RNASET2: variants seen among roughly 807,000 people sequenced by gnomAD.
The protein encoded by RNASET2 is ribonuclease T2, also known as ribonuclease 6.
A neutral mutation model predicts 33.9 loss-of-function variants in RNASET2; 28 were observed. That is an observed-to-expected ratio of 0.83 (90% CI 0.61 to 1.13). The LOEUF is 1.13. Ranked by LOEUF, RNASET2 falls within the 50% of genes most tolerant of loss-of-function variation. RNASET2 has a pLI of 0.00. For synonymous variants in RNASET2, 123 were observed against 121.0 expected (o/e 1.02, Z -0.11); for missense variants, 330 against 319.9 (o/e 1.03, Z -0.24).
intron 5 of RNASET2, among the ~76,000 whole-genome samples, chr6:166,939,219 A>G (rs1461409092): frequency 1.3e-5 from 2 of 152,188 alleles, no homozygotes; most frequent in Admixed American, 1.3e-4. Context: ...CTGAGATCCC[A>G]GCTACTCAGG....
intron 2 of RNASET2, 120 bp from the exon 3 acceptor site, chr6:166,948,745 G>C (rs1247740700): frequency 1.4e-6 from 1 of 732,576 alleles, no homozygotes; most frequent in African/African-American, 1.8e-5. Context: ...TACAGGTACT[G>C]CACTAATAAC....
rs963119834 is a variant in RNASET2, at chr6:166,929,222, C to T, written c.*366G>A. ...GCTCTTCGTCTTGACAGGGTCCCTG[C>T]GCCAAGAAGGCAACAGGCTCCGAGG... is the stretch of plus-strand genomic sequence containing the variant. On this transcript the variant is annotated 3_prime_UTR_variant, in exon 9 of 9. Transcript: ENST00000508775. Among the ~76,000 whole-genome samples, 4 of 152,186 alleles carry T rather than the reference C, an allele frequency of 2.6e-5. No individual in the cohort carries two copies. The highest frequency in any genetic ancestry group is 1.9e-4 in the East Asian group (1 of 5,204).
At position 166,924,631 on chromosome 6, in the gene RNASET2, C is replaced by T. The variant is rs2128642659; in HGVS notation, c.*4957G>A. Among the ~76,000 whole-genome samples, 1 of 152,296 alleles carries T rather than the reference C, an allele frequency of 6.6e-6. No individual in the cohort carries two copies. The highest frequency in any genetic ancestry group is 1.9e-4 in the East Asian group (1 of 5,166). On this transcript the variant is annotated 3_prime_UTR_variant, in exon 9 of 9. Coordinates refer to ENST00000508775, the MANE Select transcript of RNASET2 (RefSeq NM_003730.6). Reference sequence around the variant, plus strand: ...CTGGCCGCCTTCATAACTCTGACCTCCTCCCTCCCTCCAACCTACCAGCAT... The same window carrying T: ...CTGGCCGCCTTCATAACTCTGACCTTCTCCCTCCCTCCAACCTACCAGCAT...
Position 166,924,623 on chromosome 6 carries a change from T to C in RNASET2, c.*4965A>G, listed in dbSNP as rs1778277130. ...AGCCTTCCCTGGCCGCCTTCATAAC[T>C]CTGACCTCCTCCCTCCCTCCAACCT... On this transcript the variant is annotated 3_prime_UTR_variant, in exon 9 of 9. Coordinates refer to ENST00000508775, the MANE Select transcript of RNASET2 (RefSeq NM_003730.6). Among the ~76,000 whole-genome samples the C allele has an allele frequency of 6.6e-6, 1 of 152,144 alleles. No individual in the cohort carries two copies. The highest frequency in any genetic ancestry group is 1.5e-5 in the Non-Finnish European group (1 of 68,024).
chr6:166,932,478 C>T (rs1053837676), intron 7 of RNASET2: 1 of 152,370 alleles, frequency 6.6e-6, no homozygotes, highest in Non-Finnish European at 1.5e-5. Context: ...CTGAACCACT[C>T]CCCTCAGGGC....
chr6:166,936,436 G>T (rs930341345), intron 6 of RNASET2, among the ~76,000 whole-genome samples: 1 of 152,150 alleles, frequency 6.6e-6, no homozygotes, highest in Non-Finnish European at 1.5e-5. Context: ...TTTAAAAAAA[G>T]AGGTTTTTTT....
chr6:166,948,686 A>G (rs1326935907), intron 2 of RNASET2, 61 bp from the exon 3 acceptor site: 3 of 1,004,258 alleles, frequency 3.0e-6, no homozygotes, highest in Non-Finnish European at 4.8e-6. Context: ...ACACTTAGGA[A>G]CCCTATTAAA....
intron 5 of RNASET2, 31 bp from the exon 6 acceptor site, chr6:166,939,039 A>G (rs372917077): frequency 1.6e-5 from 25 of 1,528,258 alleles, no homozygotes; most frequent in African/African-American, 1.4e-4. Context: ...CTCCACTTAA[A>G]AGTAGTGAAA....
chr6:166,953,281 T>C (rs1367055566), intron 1 of RNASET2: 2 of 152,524 alleles, frequency 1.3e-5, no homozygotes, highest in Non-Finnish European at 2.9e-5. Flanking sequence ...AAGAAGCCAC[T>C]GTGGAGCGGC....
chr6:166,939,090 T>C (rs1383001774), intron 5 of RNASET2, 82 bp from the exon 6 acceptor site: 4 of 1,007,398 alleles, frequency 4.0e-6, no homozygotes, highest in East Asian at 2.4e-5. Flanking sequence ...TCCCAACACT[T>C]TGGGAGGCTG....
chr6:166,931,655 C>T (rs989717655), intron 7 of RNASET2: 1 of 174,906 alleles, frequency 5.7e-6, no homozygotes, highest in Non-Finnish European at 1.2e-5. Flanking sequence ...GGATGAGGGG[C>T]CTCCTCCTCG....
intron 4 of RNASET2, 159 bp downstream of exon 4, chr6:166,946,523 C>T (rs1778849574): frequency 6.1e-6 from 4 of 653,608 alleles, no homozygotes; most frequent in Middle Eastern, 4.1e-4. Context: ...TTTGTGGGGT[C>T]GAGATAACAA....
At chr6:166,943,544 G>T (rs960737181) in intron 4 of RNASET2, 1 of 291,864 alleles carries the variant, frequency 3.4e-6, no homozygotes, top group Non-Finnish European at 6.7e-6. Flanking sequence ...GGGGTTCAAG[G>T]GGAGGAAGAA....
In RNASET2 at chr6:166,943,026, G is replaced by A. The variant is rs780445402; in HGVS notation, c.325C>T (p.Arg109Cys). 9.9e-6 allele frequency: 16 copies of A among 1,613,374 alleles called. No individual in the cohort carries two copies. Among genetic ancestry groups the A allele is most frequent in the Admixed American group, 5.0e-5 (3 of 59,974 alleles). ...TCAGAGGCTGGGACTTACCAGAAGC[G>A]GCTGCGATTGGGAAACGAGTGAATT... is the stretch of plus-strand genomic sequence containing the variant. ...DVIHSFPNRS[R>C]FWKHEWEKHG... Residue 109 changes from arginine (R) to cysteine (C), a missense_variant, in exon 5 of 9, where the codon CGC becomes TGC. Transcript: ENST00000508775.
At chr6:166,944,220 C>T (rs1252400655) in intron 4 of RNASET2, among the ~76,000 whole-genome samples, 1 of 152,054 alleles carries the variant, frequency 6.6e-6, no homozygotes, top group Non-Finnish European at 1.5e-5. Flanking sequence ...GCAGCCTGGG[C>T]ACCAGTCGCG....
At chr6:166,952,654 G>GAA in intron 1 of RNASET2, 106 bp from the exon 2 acceptor site, 5 of 865,276 alleles carry the variant, frequency 5.8e-6, no homozygotes, top group Non-Finnish European at 9.6e-6. Flanking sequence ...ACTGAGTGCT[G>GAA]TGGGAGGAGG....
rs949191084 is a variant in RNASET2, at chr6:166,926,208, A to T, written c.*3380T>A. ...CCTGGAATAAGCGGATGGTGATGTC[A>T]TTCACCGAGATGGAGGCAAAAGTTT... On this transcript the variant is annotated 3_prime_UTR_variant, in exon 9 of 9. Coordinates refer to ENST00000508775, the MANE Select transcript of RNASET2 (RefSeq NM_003730.6). Among the ~76,000 whole-genome samples the T allele has an allele frequency of 2.0e-5, 3 of 152,048 alleles. No homozygotes were observed. The highest frequency in any genetic ancestry group is 2.9e-5 in the Non-Finnish European group (2 of 67,974).
chr6:166,929,799 T>C lies in RNASET2; in HGVS notation c.568-8A>G, dbSNP rs753682318. 6.2e-6 allele frequency: 10 copies of C among 1,611,282 alleles called. No homozygotes were observed. The highest frequency in any genetic ancestry group is 3.3e-5 in the South Asian group (3 of 91,042). ...TGTCTGTACTTCCTCATCCTAAAAGTAAACAATGAAAGACGCTTTAGAATT... is the reference window on the plus strand; with the variant it reads ...TGTCTGTACTTCCTCATCCTAAAAGCAAACAATGAAAGACGCTTTAGAATT... On this transcript the variant is annotated splice_polypyrimidine_tract_variant and splice_region_variant and intron_variant, in intron 8 of 8. Transcript: ENST00000508775.
chr6:166,942,054 T>C, intron 5 of RNASET2, among the ~76,000 whole-genome samples: 1 of 96,470 alleles, frequency 1.0e-5, no homozygotes, highest in African/African-American at 4.4e-5. Flanking sequence ...TTAGAAGACA[T>C]CTTCTTTTTT....
Sources: allele counts gnomAD v4.1 joint callset (sites outside exome capture counted in the v4.1 genomes callset), GRCh38; gene constraint gnomAD v4.1.1; transcripts MANE v1.5; gene names NCBI Gene and HGNC (gene_info 2026-07-23, HGNC 2026-07-21).